TUBB4A: variants seen among roughly 807,000 people sequenced by gnomAD.
TUBB4A encodes the protein tubulin beta 4A class IVa.
A neutral mutation model predicts 35.1 loss-of-function variants in TUBB4A; 13 were observed. That is an observed-to-expected ratio of 0.37 (90% CI 0.24 to 0.59). TUBB4A has a LOEUF of 0.59. Ranked by LOEUF, TUBB4A falls within the 20% of genes least tolerant of loss-of-function variation. The pLI, the probability that TUBB4A is intolerant of heterozygous loss-of-function variation, is 0.71. For missense variants in TUBB4A, 299 were observed against 647.2 expected (o/e 0.46, Z 5.84); for synonymous variants, 279 against 272.4 (o/e 1.02, Z -0.24).
At chr19:6,498,062 TTA>T (rs1914342751) in intron 3 of TUBB4A, among the ~76,000 whole-genome samples, 2 of 150,374 alleles carry the variant, frequency 1.3e-5, no homozygotes, top group East Asian at 3.9e-4. Context: ...ATAGAAAAAA[TTA>T]GCTGGATGTG....
At chr19:6,499,699 C>T (rs984451449) in intron 3 of TUBB4A, among the ~76,000 whole-genome samples, 1 of 152,188 alleles carries the variant, frequency 6.6e-6, no homozygotes, top group Non-Finnish European at 1.5e-5. Flanking sequence ...TTCTAGACTG[C>T]AGATAGTAAT....
intron 3 of TUBB4A, among the ~76,000 whole-genome samples, chr19:6,497,064 T>TATATATAA (rs1219805200): frequency 6.7e-5 from 5 of 74,616 alleles, no homozygotes; most frequent in Admixed American, 2.0e-4. Flanking sequence ...TATATATATA[T>TATATATAA]AAATTAGCCA....
In TUBB4A at chr19:6,499,434, GAAGT is replaced by G. The variant is rs10554445; in HGVS notation, c.277+1849_277+1852del. On this transcript the variant is annotated intron_variant, in intron 3 of 3. Transcript: ENST00000264071. The stretch of plus-strand genomic sequence containing the variant: ...CCTCTGTTTTCTCACCTGTAAAATG[GAAGT>G]AAGAGGCGAGTTGCGGAAAAGATTC... 7.2e-3 allele frequency among the ~76,000 whole-genome samples: 1,099 copies of G among 152,290 alleles called. 13 individuals are homozygous for G. Among genetic ancestry groups the G allele is most frequent in the African/African-American group, 0.023 (967 of 41,558 alleles).
Position 6,501,142 on chromosome 19 carries a change from A to C in TUBB4A, c.277+145T>G. On this transcript the variant is annotated intron_variant, in intron 3 of 3. Transcript: ENST00000264071. This position sits in a 1 kb window ranked among gnomAD's most constrained non-coding sequence, Gnocchi z 4.2. ...CTCACAGTGGCCTGAGCATCCCCTC[A>C]TCACAGCCCTGGATGCAGGGCTGGT... is the stretch of plus-strand genomic sequence containing the variant. The C allele has an allele frequency of 1.6e-6, 1 of 636,690 alleles. No homozygotes were observed. Among genetic ancestry groups the C allele is most frequent in the South Asian group, 2.0e-5 (1 of 50,688 alleles). 39.4% of individuals were successfully genotyped at this position (636,690 alleles called of 1,614,324 possible).
chr19:6,501,425 C>G lies in TUBB4A; in HGVS notation c.167-28G>C. 1 of 1,607,602 alleles carries G rather than the reference C, an allele frequency of 6.2e-7. No homozygotes were observed. Among genetic ancestry groups the G allele is most frequent in the Non-Finnish European group, 8.5e-7 (1 of 1,175,334 alleles). ...GCAGGGAAACAGATGGAGGGCAGTT[C>G]GATGCGTGCCAGGAACCACAGGCGC... On this transcript the variant is annotated intron_variant, in intron 2 of 3. Transcript: ENST00000264071. This position sits in a 1 kb window ranked among gnomAD's most constrained non-coding sequence, Gnocchi z 4.2.
Position 6,501,465 on chromosome 19 carries a change from T to C in TUBB4A, c.166+50A>G. The C allele has an allele frequency of 1.2e-6, 2 of 1,605,154 alleles. No individual in the cohort carries two copies. Among genetic ancestry groups the C allele is most frequent in the Non-Finnish European group, 1.7e-6 (2 of 1,173,256 alleles). ...ACCACAGGCGCCCGGTAGCATCCTG[T>C]TCCCTCCCAGCTGCCCCTTCCCACC... On this transcript the variant is annotated intron_variant, in intron 2 of 3. Transcript: ENST00000264071. This position sits in a 1 kb window ranked among gnomAD's most constrained non-coding sequence, Gnocchi z 4.2.
At chr19:6,497,351 T>G (rs552674619) in intron 3 of TUBB4A, among the ~76,000 whole-genome samples, 5 of 151,598 alleles carry the variant, frequency 3.3e-5, no homozygotes, top group Non-Finnish European at 7.4e-5. Flanking sequence ...AGCCTTGACT[T>G]CCCAGGTTCA....
intron 3 of TUBB4A, chr19:6,496,539 G>A (rs1457229917): frequency 8.5e-6 from 2 of 235,760 alleles, no homozygotes; most frequent in African/African-American, 4.5e-5. Flanking sequence ...GCTGAGGCAG[G>A]AGAATGGCGT....
At position 6,501,420 on chromosome 19, in the gene TUBB4A, C is replaced by T. The variant is rs1323993229; in HGVS notation, c.167-23G>A. 6.2e-7 allele frequency: 1 copy of T among 1,607,332 alleles called. No homozygotes were observed. The highest frequency in any genetic ancestry group is 1.7e-5 in the Admixed American group (1 of 59,634). On this transcript the variant is annotated intron_variant, in intron 2 of 3. Transcript: ENST00000264071. This position sits in a 1 kb window ranked among gnomAD's most constrained non-coding sequence, Gnocchi z 4.2. ...CTCCTGCAGGGAAACAGATGGAGGGCAGTTCGATGCGTGCCAGGAACCACA... is the reference window on the plus strand; with the variant it reads ...CTCCTGCAGGGAAACAGATGGAGGGTAGTTCGATGCGTGCCAGGAACCACA...
chr19:6,499,979 T>C (rs1489895584), intron 3 of TUBB4A, among the ~76,000 whole-genome samples: 1 of 151,984 alleles, frequency 6.6e-6, no homozygotes, highest in Non-Finnish European at 1.5e-5. Flanking sequence ...TTAGTAGAGA[T>C]GGGGTTTCTC....
In TUBB4A at chr19:6,496,052, C is replaced by T. The variant is rs761535706; in HGVS notation, c.447G>A (p.Thr149=). ...LGGGTGSGMG[T]LLISKIREEF... is the part of the protein sequence containing the mutation. The stretch of plus-strand genomic sequence containing the variant: ...CCTCGCGGATCTTACTGATGAGCAG[C>T]GTGCCCATTCCGGACCCCGTGCCAC... Residue 149 remains threonine, a synonymous_variant, in exon 4 of 4, where the codon ACG becomes ACA. Transcript: ENST00000264071. 4.3e-6 allele frequency: 7 copies of T among 1,614,054 alleles called. No individual in the cohort carries two copies. Among genetic ancestry groups the T allele is most frequent in the East Asian group, 4.5e-5 (2 of 44,882 alleles).
chr19:6,502,198 C>A lies in TUBB4A; in HGVS notation c.15G>T (p.Val5=). MREI[V]HLQAGQCGNQ... ...TGCCGCACTGGCCGGCCTGCAGGTG[C>A]ACGATCTCCCGCATGGCGGTGGCGC... is the stretch of plus-strand genomic sequence containing the variant. The change falls in exon 1 of 4, where the codon GTG becomes GTT. Residue 5 remains valine, a synonymous_variant. Transcript: ENST00000264071. The A allele has an allele frequency of 6.4e-7, 1 of 1,570,554 alleles. No homozygotes were observed.
chr19:6,501,685 GC>G lies in TUBB4A; in HGVS notation c.58-63del. ...GAAGCCGGTGGCCAAGCCGAGGACT[GC>G]CCCCAGCCCCCAACTAGCTCCCTAG... is the stretch of plus-strand genomic sequence containing the variant. On this transcript the variant is annotated intron_variant, in intron 1 of 3. Transcript: ENST00000264071. The surrounding 1 kb of genome is among the most constrained non-coding windows in gnomAD (Gnocchi z 4.2). 4 of 1,380,116 alleles carry G rather than the reference GC, an allele frequency of 2.9e-6. No homozygotes were observed. The highest frequency in any genetic ancestry group is 4.1e-6 in the Non-Finnish European group (4 of 983,904). The allele number at this position is 1,380,116 out of a possible 1,614,324, so 85.5% of individuals were successfully genotyped here.
chr19:6,501,383 G>A lies in TUBB4A; in HGVS notation c.181C>T (p.Pro61Ser). The A allele has an allele frequency of 6.2e-7, 1 of 1,613,748 alleles. No homozygotes were observed. Among genetic ancestry groups the A allele is most frequent in the Non-Finnish European group, 8.5e-7 (1 of 1,179,752 alleles). Residue 61 changes from proline to serine, a missense_variant, in exon 3 of 4, where the codon CCC (proline) becomes TCC (serine). Transcript: ENST00000264071. This position sits in a 1 kb window ranked among gnomAD's most constrained non-coding sequence, Gnocchi z 4.2. ...YNEATGGNYV[P>S]RAVLVDLEPG... Reference sequence around the variant, plus strand: ...TCCAGGTCCACCAGCACCGCTCTGGGGACATAATTTCCTCCTGCAGGGAAA... The same window carrying A: ...TCCAGGTCCACCAGCACCGCTCTGGAGACATAATTTCCTCCTGCAGGGAAA...
chr19:6,501,194 TG>T lies in TUBB4A; in HGVS notation c.277+92del. On this transcript the variant is annotated intron_variant, in intron 3 of 3. Coordinates refer to ENST00000264071, the MANE Select transcript of TUBB4A (RefSeq NM_006087.4). The surrounding 1 kb of genome is among the most constrained non-coding windows in gnomAD (Gnocchi z 4.2). Reference sequence around the variant, plus strand: ...CCTGGTGCCCTGTCCACCCCATCTCTGGTCTGTGGGCCCCGGTGGTGGCTGT... The same window carrying T: ...CCTGGTGCCCTGTCCACCCCATCTCTGTCTGTGGGCCCCGGTGGTGGCTGT... The T allele has an allele frequency of 9.4e-7, 1 of 1,059,716 alleles. No homozygotes were observed. Among genetic ancestry groups the T allele is most frequent in the Non-Finnish European group, 1.4e-6 (1 of 722,648 alleles). The allele number at this position is 1,059,716 out of a possible 1,614,324, so 65.6% of individuals were successfully genotyped here.
rs1166879759 is a variant in TUBB4A at position 6,495,129 on chromosome 19, C to T, written c.*35G>A. 2.5e-6 allele frequency: 4 copies of T among 1,608,294 alleles called. No individual in the cohort carries two copies. In the African/African-American group the frequency reaches 4.0e-5, roughly 16 times the overall value. ...GGCCTAGCGGATCAAAGGTCAGAAGCCTCGAGGGGACAGGTGGGAAGCGAT... is the reference window on the plus strand; with the variant it reads ...GGCCTAGCGGATCAAAGGTCAGAAGTCTCGAGGGGACAGGTGGGAAGCGAT... On this transcript the variant is annotated 3_prime_UTR_variant, in exon 4 of 4. Coordinates refer to ENST00000264071, the MANE Select transcript of TUBB4A (RefSeq NM_006087.4). This position sits in a 1 kb window ranked among gnomAD's most constrained non-coding sequence, Gnocchi z 8.7.
chr19:6,501,811 C>T lies in TUBB4A; in HGVS notation c.58-188G>A. On this transcript the variant is annotated intron_variant, in intron 1 of 3. Coordinates refer to ENST00000264071, the MANE Select transcript of TUBB4A (RefSeq NM_006087.4). This position sits in a 1 kb window ranked among gnomAD's most constrained non-coding sequence, Gnocchi z 4.2. ...AGGAGCGGTGGGGGCGGGGTGCAGC[C>T]GAGTCAGCACCCAGCGGGGCCGGCT... The T allele has an allele frequency of 3.3e-6, 2 of 602,976 alleles. No individual in the cohort carries two copies. Among genetic ancestry groups the T allele is most frequent in the South Asian group, 2.0e-5 (1 of 49,570 alleles). The allele number at this position is 602,976 out of a possible 1,614,324, so 37.4% of individuals were successfully genotyped here. A position where few individuals can be genotyped will look rare whatever the true frequency, so the allele number is the denominator to read the frequency against.
At chr19:6,502,342 C>G (rs1300237887), upstream of TUBB4A, 2 of 1,061,760 alleles carry the variant, frequency 1.9e-6, no homozygotes, top group Non-Finnish European at 2.5e-6. Context: ...GCTATATGAG[C>G]GGGCGGGGCA....
At chr19:6,502,088 TCCGGGGACCGACCCCGCGGTGCTCC>T in intron 1 of TUBB4A, 43 bp downstream of exon 1, 1 of 1,481,820 alleles carries the variant, frequency 6.7e-7, no homozygotes, top group Admixed American at 2.2e-5. Flanking sequence ...TGCGGGGTGC[TCCGGGGACCGACCCCGCGGTGCTCC>T]CCGGGGCCGC....
Sources: gnomAD v4.1 joint callset for allele counts (sites outside exome capture counted in the v4.1 genomes callset) on GRCh38, gnomAD v4.1.1 for gene constraint, Gnocchi (gnomAD v3.1) non-coding constraint, MANE v1.5 for transcripts, NCBI Gene and HGNC (gene_info 2026-07-23, HGNC 2026-07-21) for gene names.